GPR176: variants seen among roughly 807,000 people sequenced by gnomAD.
The protein encoded by GPR176 is G protein-coupled receptor 176.
In GPR176, 26 loss-of-function variants were observed where a neutral mutation model predicts 35.4. The observed-to-expected ratio is 0.74, with a 90% CI of 0.54 to 1.02. GPR176 has a LOEUF of 1.02. Among genes scored for constraint, GPR176 ranks in the 50% least tolerant of loss-of-function variants. The pLI, the probability that GPR176 is intolerant of heterozygous loss-of-function variation, is 0.00. For missense variants in GPR176, 597 were observed against 665.3 expected, an observed-to-expected ratio of 0.90 and a Z score of 1.13; for synonymous variants, 278 against 271.3, an observed-to-expected ratio of 1.02 and a Z score of -0.24.
At chr15:39,912,151 T>C (rs370567984) in intron 1 of GPR176, among the ~76,000 whole-genome samples, 3 of 152,334 alleles carry the variant, frequency 2.0e-5, no homozygotes, top group Non-Finnish European at 2.9e-5. Flanking sequence ...GAGAGTTGAT[T>C]TTTTTAAGAT....
chr15:39,883,294 G>A (rs1443150600), intron 1 of GPR176, among the ~76,000 whole-genome samples: 1 of 151,780 alleles, frequency 6.6e-6, no homozygotes, highest in Non-Finnish European at 1.5e-5. Context: ...CCATCATATA[G>A]CTAAATATTA....
rs139843045 is a variant in GPR176, at chr15:39,801,785, C to T, written c.895G>A (p.Val299Ile). The T allele has an allele frequency of 3.9e-4, 622 of 1,613,856 alleles. 3 individuals are homozygous for T. In the African/African-American group the frequency reaches 6.8e-3, roughly 18 times the overall value. The change falls in exon 3 of 3, where the codon GTC (valine) becomes ATC (isoleucine). Residue 299 changes from valine to isoleucine, a missense_variant. By Grantham distance (29) the Val-to-Ile change is conservative (BLOSUM62 3). Around this residue, in one of 3 missense-constraint regions of GPR176, gnomAD observed 220 missense variants for 297.6 expected, o/e 0.74. Coordinates refer to ENST00000561100, the MANE Select transcript of GPR176 (RefSeq NM_007223.3). ...QTVLNVPDTSVFLLLTAVWLP... is the reference protein window; with the variant it reads ...QTVLNVPDTSIFLLLTAVWLP... ...CAAACAGCAGTGAGCAGCAAGAAGA[C>T]GGAAGTGTCAGGGACATTGAGCACA...
At position 39,890,176 on chromosome 15, in the gene GPR176, T is replaced by G. The variant is rs974835825; in HGVS notation, c.172+29679A>C. The stretch of plus-strand genomic sequence containing the variant: ...GGGTTTTCTTAGAGAGAGCCTGATG[T>G]TAAACATTTACCAGCACACCACTGC... On this transcript the variant is annotated intron_variant, in intron 1 of 2. Transcript: ENST00000561100. Among the ~76,000 whole-genome samples, 39 of 152,210 alleles carry G rather than the reference T, an allele frequency of 2.6e-4. 1 individual carries two copies. The highest frequency in any genetic ancestry group is 1.6e-4 in the Non-Finnish European group (11 of 68,030).
intron 1 of GPR176, among the ~76,000 whole-genome samples, chr15:39,906,092 T>C (rs1225428624): frequency 6.6e-6 from 1 of 152,252 alleles, no homozygotes; most frequent in Non-Finnish European, 1.5e-5. Context: ...AGGTTTTGTG[T>C]GTACAAATGG....
At chr15:39,908,408 T>C (rs899956849) in intron 1 of GPR176, among the ~76,000 whole-genome samples, 2 of 152,162 alleles carry the variant, frequency 1.3e-5, no homozygotes, top group Admixed American at 1.3e-4. Flanking sequence ...ACTAACCCCC[T>C]GAACTTGTTC....
rs554828052 is a variant in GPR176, at chr15:39,840,414, T to C, written c.173-33156A>G. ...ACCAAACACCGCATGTTCTCACTCA[T>C]AGGCGGGAATTGAACAATGAGAACA... On this transcript the variant is annotated intron_variant, in intron 1 of 2. Coordinates refer to ENST00000561100, the MANE Select transcript of GPR176 (RefSeq NM_007223.3). Among the ~76,000 whole-genome samples the C allele has an allele frequency of 3.3e-5, 5 of 152,252 alleles. No homozygotes were observed. In the South Asian group the frequency reaches 8.3e-4, roughly 25 times the overall value.
At chr15:39,882,104 T>C (rs1237844611) in intron 1 of GPR176, among the ~76,000 whole-genome samples, 2 of 152,208 alleles carry the variant, frequency 1.3e-5, no homozygotes, top group Admixed American at 1.3e-4. Context: ...CATTTTGTCA[T>C]TAAGGGCAGA....
chr15:39,823,483 T>C (rs1353731467), intron 1 of GPR176, among the ~76,000 whole-genome samples: 1 of 152,162 alleles, frequency 6.6e-6, no homozygotes, highest in Non-Finnish European at 1.5e-5. Context: ...CTGTCAACTC[T>C]ACCTACAGAA....
rs533223773 is a variant in GPR176 at position 39,829,213 on chromosome 15, A to G, written c.173-21955T>C. On this transcript the variant is annotated intron_variant, in intron 1 of 2. Transcript: ENST00000561100. ...ACAACACCTCACAACGCAACCCCCAACACTGAGAACAAAGACCAAAGATGT... is the reference window on the plus strand; with the variant it reads ...ACAACACCTCACAACGCAACCCCCAGCACTGAGAACAAAGACCAAAGATGT... 288 of 1,514,650 alleles carry G rather than the reference A, an allele frequency of 1.9e-4. 2 individuals are homozygous for G. In the African/African-American group the frequency reaches 3.5e-3, roughly 18 times the overall value. The allele number at this position is 1,514,650 out of a possible 1,614,324, so 93.8% of individuals were successfully genotyped here.
chr15:39,882,083 T>G (rs1251840645), intron 1 of GPR176, among the ~76,000 whole-genome samples: 2 of 152,172 alleles, frequency 1.3e-5, no homozygotes, highest in Admixed American at 6.5e-5. Context: ...CTTTCTGGAA[T>G]GAAATTGACT....
intron 1 of GPR176, among the ~76,000 whole-genome samples, chr15:39,843,324 A>G (rs2140795017): frequency 6.6e-6 from 1 of 152,268 alleles, no homozygotes; most frequent in African/African-American, 2.4e-5. Context: ...GGCCTCAATC[A>G]TATGTATTTC....
chr15:39,807,360 G>T, intron 1 of GPR176, 102 bp from the exon 2 acceptor site: 1 of 807,716 alleles, frequency 1.2e-6, no homozygotes, highest in Non-Finnish European at 1.8e-6. Flanking sequence ...ACATTTGAGA[G>T]TTGATTTCAA....
At chr15:39,860,010 T>C (rs372818329) in intron 1 of GPR176, among the ~76,000 whole-genome samples, 146 of 152,196 alleles carry the variant, frequency 9.6e-4, no homozygotes, top group African/African-American at 3.5e-3. Context: ...AAAAAAGCCA[T>C]TGTTACTTCT....
chr15:39,802,328 TA>T (rs1317465255), intron 2 of GPR176, 74 bp from the exon 3 acceptor site: 1 of 1,161,858 alleles, frequency 8.6e-7, no homozygotes. Flanking sequence ...TCACCAAAAG[TA>T]GATGAGAGGG....
At chr15:39,890,086 T>C (rs2032816674) in intron 1 of GPR176, among the ~76,000 whole-genome samples, 2 of 152,172 alleles carry the variant, frequency 1.3e-5, no homozygotes, top group South Asian at 2.1e-4. Context: ...AATATGATGA[T>C]ATGAAAATAT....
At chr15:39,865,489 A>C (rs1163901772) in intron 1 of GPR176, among the ~76,000 whole-genome samples, 1 of 152,158 alleles carries the variant, frequency 6.6e-6, no homozygotes, top group East Asian at 1.9e-4. Flanking sequence ...TATAAGTGCG[A>C]GTTTAATAAT....
intron 1 of GPR176, among the ~76,000 whole-genome samples, chr15:39,888,854 TA>T (rs2032764011): frequency 6.6e-6 from 1 of 152,132 alleles, no homozygotes; most frequent in African/African-American, 2.4e-5. Context: ...ATGAGACAGG[TA>T]ATTGTTTGCG....
chr15:39,887,686 G>A (rs1188503455), intron 1 of GPR176, among the ~76,000 whole-genome samples: 1 of 150,904 alleles, frequency 6.6e-6, no homozygotes, highest in Non-Finnish European at 1.5e-5. Flanking sequence ...TTTCCTAGAA[G>A]AAAATCTCAC....
intron 1 of GPR176, among the ~76,000 whole-genome samples, chr15:39,883,850 C>T (rs1474812989): frequency 1.4e-5 from 2 of 140,534 alleles, no homozygotes. Context: ...AAGATACATG[C>T]ATAGCAACAA....
Sources: allele counts gnomAD v4.1 joint callset (sites outside exome capture counted in the v4.1 genomes callset), GRCh38; gene constraint gnomAD v4.1.1; regional missense constraint gnomAD v4.1.1; transcripts MANE v1.5; gene names NCBI Gene and HGNC (gene_info 2026-07-23, HGNC 2026-07-21).